Variants in SRPK2 observed in about 807,000 individuals in gnomAD.
SRPK2 encodes SFRS protein kinase 2.
In SRPK2, 21 loss-of-function variants were observed where a neutral mutation model predicts 90.8. The observed-to-expected ratio is 0.23, with a 90% CI of 0.16 to 0.33. The LOEUF (loss-of-function observed/expected upper bound fraction) is 0.33, where lower values mean the gene tolerates loss of function less well. Among genes scored for constraint, SRPK2 ranks in the 10% least tolerant of loss-of-function variants. SRPK2 has a pLI of 1.00. For missense variants in SRPK2, 620 were observed against 869.0 expected (o/e 0.71, Z 3.60); for synonymous variants, 288 against 311.1 (o/e 0.93, Z 0.78).
chr7:105,158,525 T>C (rs1320150928), intron 7 of SRPK2, among the ~76,000 whole-genome samples: 1 of 152,138 alleles, frequency 6.6e-6, no homozygotes, highest in Non-Finnish European at 1.5e-5. Flanking sequence ...AGTGCTGGGA[T>C]TACAAGCGTG....
chr7:105,152,257 C>G (rs1400926403), intron 7 of SRPK2, among the ~76,000 whole-genome samples: 1 of 152,048 alleles, frequency 6.6e-6, no homozygotes, highest in African/African-American at 2.4e-5. Context: ...TCAAGCAATT[C>G]TCCTGCCTCA....
chr7:105,244,888 C>A lies in SRPK2; in HGVS notation c.72-41103G>T, dbSNP rs1801383828. ...AAGTTCATCAAGAAAAGGGTGTGGG[C>A]GCACATCCGCGCCAAGAGGAAGCGG... is the stretch of plus-strand genomic sequence containing the variant. On this transcript the variant is annotated intron_variant, in intron 2 of 15. Coordinates refer to ENST00000393651, the MANE Select transcript of SRPK2 (RefSeq NM_182692.3). The A allele has an allele frequency of 6.5e-6, 9 of 1,387,952 alleles. No individual in the cohort carries two copies. In the Admixed American group the frequency reaches 1.0e-4, roughly 16 times the overall value. 86.0% of individuals were successfully genotyped at this position (1,387,952 alleles called of 1,614,324 possible). A position where few individuals can be genotyped will look rare whatever the true frequency, so the allele number is the denominator to read the frequency against.
intron 2 of SRPK2, among the ~76,000 whole-genome samples, chr7:105,215,094 A>G (rs1291550685): frequency 1.3e-5 from 2 of 152,240 alleles, no homozygotes; most frequent in Non-Finnish European, 2.9e-5. Context: ...GGGAAAGAAT[A>G]GTCTGTTCAA....
intron 11 of SRPK2, among the ~76,000 whole-genome samples, chr7:105,137,721 C>T (rs1293310899): frequency 1.3e-5 from 2 of 152,162 alleles, no homozygotes; most frequent in African/African-American, 4.8e-5. Flanking sequence ...AAAAAGTGTA[C>T]CTTCTTTAGC....
chr7:105,204,982 C>T (rs1219622011), intron 2 of SRPK2: 4 of 278,402 alleles, frequency 1.4e-5, no homozygotes, highest in African/African-American at 2.2e-5. Context: ...GCACAGCCTG[C>T]GGCATACAGT....
At chr7:105,190,403 T>C (rs1794130538) in intron 3 of SRPK2, among the ~76,000 whole-genome samples, 1 of 152,354 alleles carries the variant, frequency 6.6e-6, no homozygotes, top group Non-Finnish European at 1.5e-5. Flanking sequence ...TTGACTGCTA[T>C]GTCTGTTTCT....
chr7:105,379,148 T>TAA (rs953287542), intron 2 of SRPK2, among the ~76,000 whole-genome samples: 1 of 149,014 alleles, frequency 6.7e-6, no homozygotes, highest in East Asian at 2.0e-4. Flanking sequence ...ACCCAGTCTC[T>TAA]AAAAAAAAAT....
chr7:105,124,438 C>T (rs539507300), intron 15 of SRPK2, among the ~76,000 whole-genome samples: 5 of 151,806 alleles, frequency 3.3e-5, no homozygotes, highest in African/African-American at 4.8e-5. Context: ...GTCAGGAGTT[C>T]GAGACCAGCC....
At chr7:105,335,258 GATTA>G (rs1414777867) in intron 2 of SRPK2, among the ~76,000 whole-genome samples, 2 of 152,124 alleles carry the variant, frequency 1.3e-5, no homozygotes, top group Non-Finnish European at 2.9e-5. Flanking sequence ...TTCCATGACT[GATTA>G]TTTATAGCCA....
chr7:105,167,075 TG>T (rs1316918459), intron 6 of SRPK2, among the ~76,000 whole-genome samples: 6 of 152,020 alleles, frequency 3.9e-5, no homozygotes, highest in African/African-American at 1.4e-4. Flanking sequence ...TGCTGATGTA[TG>T]CTTTTATCTA....
At chr7:105,218,849 T>C (rs1340166980) in intron 2 of SRPK2, among the ~76,000 whole-genome samples, 1 of 152,032 alleles carries the variant, frequency 6.6e-6, no homozygotes, top group Non-Finnish European at 1.5e-5. Context: ...TCATTTTTCT[T>C]TTCTCCTTCG....
At chr7:105,193,513 CAG>C (rs750778413) in intron 3 of SRPK2, among the ~76,000 whole-genome samples, 5 of 152,134 alleles carry the variant, frequency 3.3e-5, no homozygotes, top group Admixed American at 6.5e-5. Flanking sequence ...TTTGACTATG[CAG>C]ACTCTTTTTC....
chr7:105,177,256 C>T (rs984108078), intron 3 of SRPK2, among the ~76,000 whole-genome samples: 21 of 151,864 alleles, frequency 1.4e-4, no homozygotes, highest in Non-Finnish European at 2.8e-4. Flanking sequence ...GCATGACTTG[C>T]TATTATGTAT....
rs1406803803 is a variant in SRPK2 at position 105,170,913 on chromosome 7, AAGGAG to A, written c.230-1653_230-1649del. On this transcript the variant is annotated intron_variant, in intron 3 of 15. Coordinates refer to ENST00000393651, the MANE Select transcript of SRPK2 (RefSeq NM_182692.3). ...AAAGAAAGAAAGAAAGAAAGAAAGA[AAGGAG>A]AAAGAAAAAGAAAAAGGAAAGAAAG... Among the ~76,000 whole-genome samples the A allele has an allele frequency of 3.7e-3, 466 of 124,568 alleles. 8 individuals carry two copies. The highest frequency in any genetic ancestry group is 0.011 in the African/African-American group (331 of 31,164). 81.7% of individuals were successfully genotyped at this position (124,568 alleles called of 152,430 possible).
At chr7:105,151,705 T>C (rs914412746) in intron 7 of SRPK2, among the ~76,000 whole-genome samples, 2 of 147,878 alleles carry the variant, frequency 1.4e-5, no homozygotes, top group Non-Finnish European at 3.0e-5. Flanking sequence ...AGCCACCACA[T>C]CCAGCTTCCT....
chr7:105,177,736 A>T (rs1792161261), intron 3 of SRPK2, among the ~76,000 whole-genome samples: 1 of 152,158 alleles, frequency 6.6e-6, no homozygotes, highest in African/African-American at 2.4e-5. Context: ...AAAACAGAAA[A>T]AACAGGCTAG....
chr7:105,177,125 A>G (rs1792068822), intron 3 of SRPK2, among the ~76,000 whole-genome samples: 1 of 152,108 alleles, frequency 6.6e-6, no homozygotes. Flanking sequence ...GAAAGTGATT[A>G]AATCAGGAAA....
At chr7:105,358,173 G>A (rs1372114682) in intron 2 of SRPK2, among the ~76,000 whole-genome samples, 8 of 131,576 alleles carry the variant, frequency 6.1e-5, no homozygotes, top group African/African-American at 2.0e-4. Flanking sequence ...GCAGTGAGAC[G>A]AGATCACGCC....
At chr7:105,177,171 T>C (rs1792080286) in intron 3 of SRPK2, among the ~76,000 whole-genome samples, 2 of 151,956 alleles carry the variant, frequency 1.3e-5, no homozygotes, top group African/African-American at 4.8e-5. Context: ...AAAGTGAAAA[T>C]AAAAACATGA....
Sources: allele counts gnomAD v4.1 joint callset (sites outside exome capture counted in the v4.1 genomes callset), GRCh38; gene constraint gnomAD v4.1.1; transcripts MANE v1.5; gene names NCBI Gene and HGNC (gene_info 2026-07-23, HGNC 2026-07-21).